The following PAMR1 variants were observed in gnomAD, a reference collection of about 807,000 sequenced individuals.
PAMR1 encodes the protein peptidase domain containing associated with muscle regeneration 1, also known as inactive serine protease PAMR1.
A neutral mutation model predicts 81.8 loss-of-function variants in PAMR1; 88 were observed. The observed-to-expected ratio is 1.08, with a 90% confidence interval of 0.91 to 1.28. The LOEUF (loss-of-function observed/expected upper bound fraction) is 1.28. Ranked by LOEUF, PAMR1 falls within the 50% of genes most tolerant of loss-of-function variation. The pLI is 0.00. For synonymous variants in PAMR1, 336 were observed against 345.3 expected, an observed-to-expected ratio of 0.97 and a Z score of 0.30; for missense variants, 935 against 919.7, an observed-to-expected ratio of 1.02 and a Z score of -0.21.
At chr11:35,470,081 T>C (rs1856824828) in intron 5 of PAMR1, among the ~76,000 whole-genome samples, 1 of 152,210 alleles carries the variant, frequency 6.6e-6, no homozygotes, top group Non-Finnish European at 1.5e-5. Flanking sequence ...TGTTGAATTC[T>C]TACTATGTAC....
chr11:35,492,036 T>C lies in PAMR1; in HGVS notation c.379+9A>G. 1 of 1,608,292 alleles carries C rather than the reference T, an allele frequency of 6.2e-7. No individual in the cohort carries two copies. Among genetic ancestry groups the C allele is most frequent in the Non-Finnish European group, 8.5e-7 (1 of 1,177,252 alleles). The stretch of plus-strand genomic sequence containing the variant: ...CACTAGAGATGGAGCTAGGTCAAGG[T>C]CTACTTACGCATGCAGTCTCCTCCG... On this transcript the variant is annotated intron_variant, in intron 3 of 10. Coordinates refer to ENST00000619888, the MANE Select transcript of PAMR1 (RefSeq NM_001001991.3).
chr11:35,497,444 CTTGATGG>C, intron 1 of PAMR1, among the ~76,000 whole-genome samples: 1 of 152,230 alleles, frequency 6.6e-6, no homozygotes, highest in African/African-American at 2.4e-5. Context: ...AGAGGTGTTG[CTTGATGG>C]TTACAGAGTT....
At chr11:35,475,095 C>T (rs1850262662) in intron 3 of PAMR1, among the ~76,000 whole-genome samples, 1 of 152,140 alleles carries the variant, frequency 6.6e-6, no homozygotes, top group Admixed American at 6.5e-5. Context: ...GTTCGAGCCA[C>T]CCTATCATCC....
At position 35,433,861 on chromosome 11, in the gene PAMR1, T is replaced by C. The variant is rs563333615; in HGVS notation, c.1626+651A>G. On this transcript the variant is annotated intron_variant, in intron 10 of 10. Transcript: ENST00000619888. Reference sequence around the variant, plus strand: ...ATGGATGGATGAGGGGATGGATAGATGGAGGGATGGATGAAAAGATAGATG... The same window carrying C: ...ATGGATGGATGAGGGGATGGATAGACGGAGGGATGGATGAAAAGATAGATG... 2.7e-5 allele frequency among the ~76,000 whole-genome samples: 4 copies of C among 150,922 alleles called. 1 individual carries two copies. Among genetic ancestry groups the C allele is most frequent in the South Asian group, 2.1e-4 (1 of 4,746 alleles).
intron 6 of PAMR1, among the ~76,000 whole-genome samples, chr11:35,458,128 A>G (rs1049389436): frequency 3.3e-5 from 5 of 152,212 alleles, no homozygotes; most frequent in African/African-American, 1.2e-4. Flanking sequence ...TTTTAGAAAG[A>G]TATAATATTT....
intron 8 of PAMR1, among the ~76,000 whole-genome samples, chr11:35,439,301 A>C (rs1346986500): frequency 6.6e-6 from 1 of 152,234 alleles, no homozygotes; most frequent in East Asian, 1.9e-4. Context: ...AGCTACCATA[A>C]CAAGTACATA....
rs377573079 is a variant in PAMR1, at chr11:35,434,495, T to C, written c.1626+17A>G. 5.7e-5 allele frequency: 92 copies of C among 1,604,456 alleles called. No homozygotes were observed. The African/African-American group carries it at 1.1e-3, about 20-fold the overall frequency. On this transcript the variant is annotated intron_variant, in intron 10 of 10. Transcript: ENST00000619888. ...TTGAGCCAGAGCCCCAGCTTCCAAG[T>C]GCAAGCCCTCTCTTACCTGTAGGCT...
chr11:35,522,893 T>C (rs1466983860), intron 1 of PAMR1, among the ~76,000 whole-genome samples: 1 of 152,254 alleles, frequency 6.6e-6, no homozygotes, highest in African/African-American at 2.4e-5. Context: ...GCTCAAAGAC[T>C]GGACACATTA....
At chr11:35,442,620 T>C (rs1856197976) in intron 6 of PAMR1, among the ~76,000 whole-genome samples, 1 of 152,044 alleles carries the variant, frequency 6.6e-6, no homozygotes, top group Non-Finnish European at 1.5e-5. Context: ...TTTATTTATT[T>C]ATTTATTTTG....
intron 3 of PAMR1, among the ~76,000 whole-genome samples, chr11:35,487,328 T>C (rs1850529996): frequency 6.6e-6 from 1 of 152,144 alleles, no homozygotes; most frequent in Admixed American, 6.5e-5. Flanking sequence ...CATTACTTCA[T>C]TACCACCAAG....
At chr11:35,521,778 G>A (rs544902501) in intron 1 of PAMR1, among the ~76,000 whole-genome samples, 9 of 152,278 alleles carry the variant, frequency 5.9e-5, no homozygotes, top group African/African-American at 1.9e-4. Flanking sequence ...TCCAGGTAAC[G>A]GAGGAACTTG....
At chr11:35,517,187 A>G (rs1851181292) in intron 1 of PAMR1, among the ~76,000 whole-genome samples, 1 of 152,208 alleles carries the variant, frequency 6.6e-6, no homozygotes, top group African/African-American at 2.4e-5. Flanking sequence ...CACTCACATT[A>G]CTACAAGCAC....
intron 3 of PAMR1, among the ~76,000 whole-genome samples, chr11:35,488,764 G>A (rs1233226852): frequency 2.1e-5 from 3 of 144,604 alleles, no homozygotes; most frequent in Non-Finnish European, 4.5e-5. Flanking sequence ...GTAGAGACAG[G>A]GTTTCACCAT....
In PAMR1 at chr11:35,525,564, G is replaced by A. The variant is rs769453790; in HGVS notation, c.22C>T (p.Gln8Ter). 5 of 1,614,012 alleles carry A rather than the reference G, an allele frequency of 3.1e-6. No individual in the cohort carries two copies. In the Admixed American group the frequency reaches 5.0e-5, roughly 16 times the overall value. Residue 8 changes from glutamine (Q) to a stop codon, truncating the protein, a stop_gained, in exon 1 of 11, where the codon CAG becomes TAG. Transcript: ENST00000619888. LOFTEE classifies it high-confidence loss of function. ...AGCTGAAGAAAAGTGAGCCCCAACTGCGTCCAGCAACCCAGCTCCATCCTT... is the reference window on the plus strand; with the variant it reads ...AGCTGAAGAAAAGTGAGCCCCAACTACGTCCAGCAACCCAGCTCCATCCTT... Reference protein sequence around the residue: MELGCWTQLGLTFLQLLL... With the variant: MELGCWT
intron 1 of PAMR1, among the ~76,000 whole-genome samples, chr11:35,517,105 C>T (rs927051248): frequency 2.6e-5 from 4 of 152,132 alleles, no homozygotes; most frequent in Admixed American, 1.3e-4. Context: ...CTTCTCACTC[C>T]CCCAGACTGC....
At chr11:35,470,456 C>T (rs1049246372) in intron 5 of PAMR1, 145 bp downstream of exon 5, 1 of 649,056 alleles carries the variant, frequency 1.5e-6, no homozygotes, top group Non-Finnish European at 2.7e-6. Flanking sequence ...CTTGCTATTT[C>T]TTTTTTCTCA....
chr11:35,491,969 TA>T, intron 3 of PAMR1, 75 bp downstream of exon 3: 2 of 1,302,636 alleles, frequency 1.5e-6, no homozygotes, highest in East Asian at 2.7e-5. Flanking sequence ...TCCAAGGAGA[TA>T]AATTTTGGTC....
intron 6 of PAMR1, among the ~76,000 whole-genome samples, chr11:35,453,605 C>A (rs530887308): frequency 2.8e-4 from 42 of 152,330 alleles, no homozygotes; most frequent in African/African-American, 9.9e-4. Flanking sequence ...AGGCCATCTG[C>A]ACCTCATCAG....
chr11:35,526,568 T>C (rs971681140), upstream of PAMR1, among the ~76,000 whole-genome samples: 2 of 152,228 alleles, frequency 1.3e-5, no homozygotes, highest in African/African-American at 4.8e-5. Context: ...AAACCTAGCC[T>C]CTGTATTTTA....
Sources: allele counts gnomAD v4.1 joint callset (sites outside exome capture counted in the v4.1 genomes callset), GRCh38; gene constraint gnomAD v4.1.1; transcripts MANE v1.5; gene names NCBI Gene and HGNC (gene_info 2026-07-23, HGNC 2026-07-21).